Variants in PROM2 observed in about 807,000 individuals in gnomAD.
The protein encoded by PROM2 is prominin 2.
PROM2 carries 90 observed loss-of-function variants against 110.2 expected under a neutral mutation model. That is an observed-to-expected ratio of 0.82 (90% confidence interval 0.69 to 0.97). PROM2 has a LOEUF of 0.97. Among genes scored for constraint, PROM2 ranks in the 50% least tolerant of loss-of-function variants. The pLI, the probability that PROM2 is intolerant of heterozygous loss-of-function variation, is 0.00. For missense variants in PROM2, 1,009 were observed against 1,074.8 expected (o/e 0.94, Z 0.86); for synonymous variants, 470 against 467.8 (o/e 1.00, Z -0.06).
chr2:95,276,405 A>T lies in PROM2; in HGVS notation c.618+58A>T, dbSNP rs1486600241. Reference sequence around the variant, plus strand: ...CCTGTGAGCACTGGGCCCGGGCAGGACAGAGCCGAGTGGGCCCTCGATGGC... The same window carrying T: ...CCTGTGAGCACTGGGCCCGGGCAGGTCAGAGCCGAGTGGGCCCTCGATGGC... On this transcript the variant is annotated intron_variant, in intron 4 of 23. Transcript: ENST00000317620. This position sits in a 1 kb window ranked among gnomAD's most constrained non-coding sequence, Gnocchi z 4.6. The T allele has an allele frequency of 6.2e-7, 1 of 1,602,046 alleles. No individual in the cohort carries two copies. Among genetic ancestry groups the T allele is most frequent in the Admixed American group, 1.7e-5 (1 of 59,358 alleles).
Position 95,276,227 on chromosome 2 carries a change from G to T in PROM2, c.498G>T (p.Leu166=). The change falls in exon 4 of 24, where the codon CTG becomes CTT. Residue 166 remains leucine, a splice_region_variant and synonymous_variant. Transcript: ENST00000317620. The surrounding 1 kb of genome is among the most constrained non-coding windows in gnomAD (Gnocchi z 4.6). ...VFLLLTTLLL[L]IGVVCAFVTN... ...CTTCCTCCTCCCTCCATTCCCACAGGATTGGTGTGGTCTGTGCCTTTGTCA... is the reference window on the plus strand; with the variant it reads ...CTTCCTCCTCCCTCCATTCCCACAGTATTGGTGTGGTCTGTGCCTTTGTCA... The T allele has an allele frequency of 6.2e-7, 1 of 1,613,968 alleles. No individual in the cohort carries two copies.
chr2:95,282,322 G>A (rs1677101114), intron 14 of PROM2, 96 bp downstream of exon 14: 1 of 1,025,026 alleles, frequency 9.8e-7, no homozygotes. Context: ...TTGAACCTAG[G>A]AGACCTGAGA....
intron 20 of PROM2, among the ~76,000 whole-genome samples, chr2:95,287,879 G>A (rs1677464155): frequency 6.6e-6 from 1 of 152,228 alleles, no homozygotes; most frequent in Admixed American, 6.5e-5. Flanking sequence ...GAGTGTGTCT[G>A]TGTGTCTATG....
intron 11 of PROM2, 80 bp downstream of exon 11, chr2:95,280,077 G>GT: frequency 7.7e-7 from 1 of 1,304,228 alleles, no homozygotes; most frequent in Non-Finnish European, 9.9e-7. Context: ...ATAGCTCCCG[G>GT]TGTGGCTGCC....
chr2:95,286,514 G>A lies in PROM2; in HGVS notation c.1983G>A (p.Glu661=), dbSNP rs1330038069. ...NSVLGQRLQE[E]AQGLRNLHQE... is the part of the protein sequence containing the mutation. The stretch of plus-strand genomic sequence containing the variant: ...TGCTGGGGCAGCGGCTGCAGGAGGA[G>A]GCCCAAGGACTCAGAAACCTTCACC... The change falls in exon 17 of 24, where the codon GAG becomes GAA. Residue 661 remains glutamate, a synonymous_variant. Transcript: ENST00000317620. 1.2e-6 allele frequency: 2 copies of A among 1,613,714 alleles called. No homozygotes were observed. Among genetic ancestry groups the A allele is most frequent in the East Asian group, 2.2e-5 (1 of 44,886 alleles).
intron 20 of PROM2, among the ~76,000 whole-genome samples, 165 bp downstream of exon 20, chr2:95,287,629 G>A (rs2104149581): frequency 6.6e-6 from 1 of 152,132 alleles, no homozygotes; most frequent in Non-Finnish European, 1.5e-5. Context: ...CTTGCTGGCT[G>A]AGCTCTGTCC....
At position 95,276,456 on chromosome 2, in the gene PROM2, C is replaced by T. The variant is rs1398206100; in HGVS notation, c.618+109C>T. The T allele has an allele frequency of 1.3e-6, 2 of 1,591,766 alleles. No individual in the cohort carries two copies. The highest frequency in any genetic ancestry group is 1.7e-6 in the Non-Finnish European group (2 of 1,165,140). Reference sequence around the variant, plus strand: ...CCATAACCAGCGCATCTGAAAGCCGCCTCCTCTCCCGCCCTTGCCTGAGAG... The same window carrying T: ...CCATAACCAGCGCATCTGAAAGCCGTCTCCTCTCCCGCCCTTGCCTGAGAG... On this transcript the variant is annotated intron_variant, in intron 4 of 23. Transcript: ENST00000317620. This position sits in a 1 kb window ranked among gnomAD's most constrained non-coding sequence, Gnocchi z 4.6.
chr2:95,281,864 G>A (rs1303319326), intron 12 of PROM2, 61 bp from the exon 13 acceptor site: 6 of 1,167,958 alleles, frequency 5.1e-6, no homozygotes, highest in East Asian at 2.3e-5. Context: ...AGGCCCTAGG[G>A]GACCAGGGTG....
At chr2:95,285,235 G>C in intron 15 of PROM2, 120 bp downstream of exon 15, 1 of 1,204,944 alleles carries the variant, frequency 8.3e-7, no homozygotes, top group Non-Finnish European at 1.1e-6. Context: ...ACATTTCCTG[G>C]GGCCTCTTCC....
Position 95,284,933 on chromosome 2 carries a change from C to G in PROM2, c.1729-36C>G, listed in dbSNP as rs767518942. The G allele has an allele frequency of 1.6e-5, 26 of 1,591,740 alleles. No individual in the cohort carries two copies. In the East Asian group the frequency reaches 2.7e-4, roughly 17 times the overall value. ...CATCTCTGGGGTCCTGGCTCAGCAA[C>G]TGGGCATGACTCCCACCCTGCGCCT... On this transcript the variant is annotated intron_variant, in intron 14 of 23. Transcript: ENST00000317620.
chr2:95,282,125 C>G lies in PROM2; in HGVS notation c.1644-17C>G. The G allele has an allele frequency of 6.2e-7, 1 of 1,613,298 alleles. No homozygotes were observed. Among genetic ancestry groups the G allele is most frequent in the Admixed American group, 1.7e-5 (1 of 60,006 alleles). On this transcript the variant is annotated splice_polypyrimidine_tract_variant and intron_variant, in intron 13 of 23. Coordinates refer to ENST00000317620, the MANE Select transcript of PROM2 (RefSeq NM_001165978.3). ...CACCCCCAAGGCTCATCGTCTGCACCCCTCACTCCTCCTCAGGCAGTGCAA... is the reference window on the plus strand; with the variant it reads ...CACCCCCAAGGCTCATCGTCTGCACGCCTCACTCCTCCTCAGGCAGTGCAA...
At chr2:95,274,941 T>G in intron 1 of PROM2, 112 bp downstream of exon 1, 1 of 1,365,634 alleles carries the variant, frequency 7.3e-7, no homozygotes, top group South Asian at 1.6e-5. Flanking sequence ...ACTTGCCATC[T>G]TCCTGGGGTA....
chr2:95,287,596 C>A, intron 20 of PROM2, 132 bp downstream of exon 20: 2 of 820,128 alleles, frequency 2.4e-6, no homozygotes, highest in Non-Finnish European at 3.8e-6. Context: ...CCCAAACTCC[C>A]AAACCTGGCA....
chr2:95,287,459 G>C lies in PROM2; in HGVS notation c.2239G>C (p.Glu747Gln), dbSNP rs757936168. The C allele has an allele frequency of 9.3e-6, 15 of 1,613,938 alleles. No homozygotes were observed. The highest frequency in any genetic ancestry group is 1.3e-5 in the Non-Finnish European group (15 of 1,179,952). ...CTCCCAGTACGTGGCCTGGGTGAGA[G>C]AGGAGGTGAGTGGGGCCTCAGAAGC... ...YFSQYVAWVREEVTQRIATCQ... is the reference protein window; with the variant it reads ...YFSQYVAWVRQEVTQRIATCQ... The change falls in exon 20 of 24, where the codon GAG becomes CAG. Residue 747 changes from glutamate to glutamine, a missense_variant. Physicochemically the swap from Glu to Gln is conservative, Grantham distance 29 (BLOSUM62 2). Coordinates refer to ENST00000317620, the MANE Select transcript of PROM2 (RefSeq NM_001165978.3).
chr2:95,285,695 A>T lies in PROM2; in HGVS notation c.1932A>T (p.Gly644=). The part of the protein sequence containing the change: ...SMEQLAQELQ[G]LAQAQDNSVL... ...AGCAGCTGGCCCAGGAGCTGCAAGG[A>T]CTGGCCCAGGCCCAAGTGAGTGGGA... The change falls in exon 16 of 24, where the codon GGA becomes GGT. Residue 644 remains glycine (G), a synonymous_variant. Coordinates refer to ENST00000317620, the MANE Select transcript of PROM2 (RefSeq NM_001165978.3). 1 of 1,602,334 alleles carries T rather than the reference A, an allele frequency of 6.2e-7. No homozygotes were observed.
In PROM2 at chr2:95,276,844, C is replaced by T. The variant is rs1362485540; in HGVS notation, c.683-128C>T. 1.3e-5 allele frequency: 15 copies of T among 1,133,298 alleles called. No homozygotes were observed. The highest frequency in any genetic ancestry group is 2.6e-5 in the East Asian group (1 of 38,790). The allele number at this position is 1,133,298 out of a possible 1,614,324, so 70.2% of individuals were successfully genotyped here. ...CTGCTGGAGGAAGAAGCCGTGTCCC[C>T]GCTCCTTCACTCCCCTCCACCCCCC... On this transcript the variant is annotated intron_variant, in intron 5 of 23. Coordinates refer to ENST00000317620, the MANE Select transcript of PROM2 (RefSeq NM_001165978.3). The surrounding 1 kb of genome is among the most constrained non-coding windows in gnomAD (Gnocchi z 4.6).
chr2:95,288,020 G>A (rs1677474322), intron 20 of PROM2, among the ~76,000 whole-genome samples, 191 bp from the exon 21 acceptor site: 1 of 152,182 alleles, frequency 6.6e-6, no homozygotes, highest in Non-Finnish European at 1.5e-5. Flanking sequence ...GGGGCCCAGC[G>A]AGGAGTCTGT....
intron 14 of PROM2, 83 bp from the exon 15 acceptor site, chr2:95,284,886 G>T: frequency 7.1e-7 from 1 of 1,409,104 alleles, no homozygotes; most frequent in Non-Finnish European, 9.6e-7. Context: ...ATATCGCCTG[G>T]TGACCCCTGT....
intron 20 of PROM2, among the ~76,000 whole-genome samples, 162 bp downstream of exon 20, chr2:95,287,626 G>A (rs1677450526): frequency 2.0e-5 from 3 of 152,078 alleles, no homozygotes; most frequent in Admixed American, 6.6e-5. Flanking sequence ...CTGCTTGCTG[G>A]CTGAGCTCTG....
Sources: allele counts gnomAD v4.1 joint callset (sites outside exome capture counted in the v4.1 genomes callset), GRCh38; gene constraint gnomAD v4.1.1; non-coding constraint Gnocchi (gnomAD v3.1); transcripts MANE v1.5; gene names NCBI Gene and HGNC (gene_info 2026-07-23, HGNC 2026-07-21).